The following SHANK2 variants were observed in gnomAD, a reference collection of about 807,000 sequenced individuals.
The protein encoded by SHANK2 is SH3 and multiple ankyrin repeat domains 2, also known as SH3 and multiple ankyrin repeat domains protein 2.
A neutral mutation model predicts 133.7 loss-of-function variants in SHANK2; 43 were observed. That is an observed-to-expected ratio of 0.32 (90% CI 0.25 to 0.41). The LOEUF (loss-of-function observed/expected upper bound fraction) is 0.41. SHANK2 is among the 10% of genes least tolerant of loss of function. SHANK2 has a pLI of 1.00. For synonymous variants in SHANK2, 1,017 were observed against 952.8 expected, an observed-to-expected ratio of 1.07 and a Z score of -1.24; for missense variants, 1,994 against 2,235.8, an observed-to-expected ratio of 0.89 and a Z score of 2.18.
chr11:71,190,163 G>T (rs1333928340), intron 2 of SHANK2, among the ~76,000 whole-genome samples: 8 of 152,234 alleles, frequency 5.3e-5, no homozygotes, highest in Non-Finnish European at 7.3e-5. Flanking sequence ...TGCCCAAACT[G>T]CCCAGTGGCT....
Position 71,099,513 on chromosome 11 carries a change from G to A in SHANK2, c.593-4825C>T, listed in dbSNP as rs145557305. ...TACAAATGTCTCCTGGCTATTGTGC[G>A]GGTTAACAGATTTAATGTAAAAAAT... On this transcript the variant is annotated intron_variant, in intron 6 of 25. Coordinates refer to ENST00000601538, the MANE Select transcript of SHANK2 (RefSeq NM_012309.5). Among the ~76,000 whole-genome samples, 15 of 152,224 alleles carry A rather than the reference G, an allele frequency of 9.9e-5. No homozygotes were observed. In the East Asian group the frequency reaches 1.9e-3, roughly 20 times the overall value.
intron 17 of SHANK2, among the ~76,000 whole-genome samples, chr11:70,585,739 C>CCATT (rs1554986553): frequency 7.3e-6 from 1 of 136,102 alleles, no homozygotes; most frequent in African/African-American, 2.8e-5. Flanking sequence ...ATCCAACTAG[C>CCATT]CATCCATCCA....
rs948329708 is a variant in SHANK2, at chr11:71,074,846, C to T, written c.1029+313G>A. Among the ~76,000 whole-genome samples, 920 of 139,634 alleles carry T rather than the reference C, an allele frequency of 6.6e-3. 36 individuals are homozygous for T. In the East Asian group the frequency reaches 0.11, roughly 17 times the overall value. 91.6% of individuals were successfully genotyped at this position (139,634 alleles called of 152,430 possible). ...CCAGGCTGGAGTGCAGTGGCACGGT[C>T]TCGGCTCACTGCAAGCTCCGCCTCC... On this transcript the variant is annotated intron_variant, in intron 9 of 25. Coordinates refer to ENST00000601538, the MANE Select transcript of SHANK2 (RefSeq NM_012309.5).
At chr11:71,152,199 G>A (rs566310509) in intron 2 of SHANK2, among the ~76,000 whole-genome samples, 6 of 152,144 alleles carry the variant, frequency 3.9e-5, no homozygotes, top group African/African-American at 1.2e-4. Context: ...TGCAACCTCC[G>A]CCTCCCAGGT....
intron 14 of SHANK2, among the ~76,000 whole-genome samples, chr11:70,766,692 T>A (rs1240267025): frequency 6.6e-6 from 1 of 152,178 alleles, no homozygotes; most frequent in Non-Finnish European, 1.5e-5. Context: ...TCCTTGCCGC[T>A]CTAACAGGTA....
chr11:71,246,644 C>T (rs745736151), intron 1 of SHANK2, among the ~76,000 whole-genome samples: 63 of 152,176 alleles, frequency 4.1e-4, no homozygotes, highest in Admixed American at 1.8e-3. Context: ...CCTGAAATTG[C>T]TCAGTGGAGA....
intron 17 of SHANK2, among the ~76,000 whole-genome samples, chr11:70,547,853 A>T (rs944794531): frequency 6.6e-6 from 1 of 152,242 alleles, no homozygotes; most frequent in Non-Finnish European, 1.5e-5. Context: ...AGAGAATTTC[A>T]ATGTTCTTGG....
chr11:71,128,459 G>A (rs368586568), intron 3 of SHANK2, among the ~76,000 whole-genome samples: 2 of 152,286 alleles, frequency 1.3e-5, no homozygotes, highest in African/African-American at 4.8e-5. Context: ...AGACCTGGGT[G>A]GTGATGGAGT....
intron 1 of SHANK2, among the ~76,000 whole-genome samples, chr11:71,244,615 A>G (rs1194404467): frequency 6.6e-6 from 1 of 152,240 alleles, no homozygotes; most frequent in Non-Finnish European, 1.5e-5. Context: ...TGACTGCAGG[A>G]GCAGATACGG....
intron 6 of SHANK2, among the ~76,000 whole-genome samples, chr11:71,097,373 C>T (rs896684595): frequency 2.6e-5 from 4 of 152,152 alleles, no homozygotes; most frequent in Non-Finnish European, 5.9e-5. Context: ...AGTGACTGCA[C>T]TATCACTCCC....
chr11:70,549,021 G>A (rs2059731162), intron 17 of SHANK2, among the ~76,000 whole-genome samples: 1 of 152,094 alleles, frequency 6.6e-6, no homozygotes, highest in Admixed American at 6.5e-5. Context: ...CTGACATCCC[G>A]ACTTCAGACT....
At position 71,237,288 on chromosome 11, in the gene SHANK2, G is replaced by A. The variant is rs78615050; in HGVS notation, c.-112-12492C>T. On this transcript the variant is annotated intron_variant, in intron 1 of 25. Transcript: ENST00000601538. ...AGAACCATGAGCTAAATAAATCAGGGTTGGCAAGCGACTGCCCAGGGGCCA... is the reference window on the plus strand; with the variant it reads ...AGAACCATGAGCTAAATAAATCAGGATTGGCAAGCGACTGCCCAGGGGCCA... Among the ~76,000 whole-genome samples, 930 of 152,274 alleles carry A rather than the reference G, an allele frequency of 6.1e-3. 17 individuals carry two copies. In the East Asian group the frequency reaches 0.069, roughly 11 times the overall value.
In SHANK2 at chr11:71,070,616, G is replaced by A. The variant is rs1951130718; in HGVS notation, c.1029+4543C>T. Among the ~76,000 whole-genome samples the A allele has an allele frequency of 2.0e-5, 3 of 152,204 alleles. No individual in the cohort carries two copies. In the South Asian group the frequency reaches 6.2e-4, roughly 32 times the overall value. Reference sequence around the variant, plus strand: ...AGACAAATGGGGGAGAGGAGGAGATGCAGCCTTCCATTCCAAGGCTTAGAG... The same window carrying A: ...AGACAAATGGGGGAGAGGAGGAGATACAGCCTTCCATTCCAAGGCTTAGAG... On this transcript the variant is annotated intron_variant, in intron 9 of 25. Coordinates refer to ENST00000601538, the MANE Select transcript of SHANK2 (RefSeq NM_012309.5).
chr11:70,933,294 TAAA>T (rs781942101), intron 10 of SHANK2: 1 of 454,942 alleles, frequency 2.2e-6, no homozygotes, highest in South Asian at 1.6e-5. Context: ...GGATTAAACT[TAAA>T]TGAGCTCCCT....
chr11:71,193,194 G>A (rs547148273), intron 2 of SHANK2, among the ~76,000 whole-genome samples: 4 of 152,208 alleles, frequency 2.6e-5, no homozygotes, highest in South Asian at 2.1e-4. Context: ...CCAAAGGCAC[G>A]GGCCCCAGTG....
chr11:71,162,531 T>C (rs1555110067), intron 2 of SHANK2, among the ~76,000 whole-genome samples: 2 of 152,202 alleles, frequency 1.3e-5, no homozygotes. Context: ...AATGATTGTA[T>C]AGTAATATCA....
At chr11:70,603,862 T>A (rs1554991630) in intron 17 of SHANK2, 1 of 152,700 alleles carries the variant, frequency 6.5e-6, no homozygotes, top group African/African-American at 2.4e-5. Flanking sequence ...GATGCCCTGG[T>A]GGTGGCCGCA....
At chr11:70,843,591 C>A (rs958242202) in intron 11 of SHANK2, among the ~76,000 whole-genome samples, 6 of 151,872 alleles carry the variant, frequency 4.0e-5, no homozygotes, top group Non-Finnish European at 5.9e-5. Context: ...AGAGAGACGA[C>A]CCTGTGAGGT....
At chr11:70,694,571 G>A (rs1337513620) in intron 15 of SHANK2, among the ~76,000 whole-genome samples, 2 of 152,228 alleles carry the variant, frequency 1.3e-5, no homozygotes, top group Non-Finnish European at 2.9e-5. Flanking sequence ...GGCTGGCACT[G>A]CACCCAGGTT....
Sources: gnomAD v4.1 joint callset for allele counts (sites outside exome capture counted in the v4.1 genomes callset) on GRCh38, gnomAD v4.1.1 for gene constraint, MANE v1.5 for transcripts, NCBI Gene and HGNC (gene_info 2026-07-23, HGNC 2026-07-21) for gene names.